The following PCDHGA6 variants were observed in gnomAD, a reference collection of about 807,000 sequenced individuals.
PCDHGA6 encodes protocadherin gamma subfamily A, 6.
PCDHGA6 carries 41 observed loss-of-function variants against 60.6 expected under a neutral mutation model. The observed-to-expected ratio is 0.68, with a 90% CI of 0.53 to 0.88. The LOEUF is 0.88. Among genes scored for constraint, PCDHGA6 ranks in the 40% least tolerant of loss-of-function variants. The probability of loss-of-function intolerance (pLI) is 0.00; values close to 1 mark genes in which losing one functional copy is unlikely to be tolerated. For missense variants in PCDHGA6, 1,312 were observed against 1,203.0 expected (o/e 1.09, Z -1.34); for synonymous variants, 594 against 524.4 (o/e 1.13, Z -1.81).
chr5:141,405,201 T>C, intron 1 of PCDHGA6: 1 of 1,614,050 alleles, frequency 6.2e-7, no homozygotes, highest in Non-Finnish European at 8.5e-7. Context: ...CGAGCTTTCC[T>C]ACAGACCTAT....
Position 141,388,273 on chromosome 5 carries a change from C to T in PCDHGA6, c.2424+11766C>T. On this transcript the variant is annotated intron_variant, in intron 1 of 3. Coordinates refer to ENST00000517434, the MANE Select transcript of PCDHGA6 (RefSeq NM_018919.3). ...GAGATCGAGGACATTAATGACCACA[C>T]GCCAAAATTCACGCAAAATTCCTTT... The T allele has an allele frequency of 3.1e-6, 5 of 1,597,470 alleles. No homozygotes were observed. Among genetic ancestry groups the T allele is most frequent in the Non-Finnish European group, 4.3e-6 (5 of 1,172,964 alleles).
chr5:141,459,886 G>A (rs932435611), intron 1 of PCDHGA6, among the ~76,000 whole-genome samples: 2 of 152,080 alleles, frequency 1.3e-5, no homozygotes, highest in Non-Finnish European at 2.9e-5. Context: ...TGAGCTGAAC[G>A]CCTTCTTAAA....
At chr5:141,480,894 C>CA (rs1235468010) in intron 1 of PCDHGA6, among the ~76,000 whole-genome samples, 15 of 151,848 alleles carry the variant, frequency 9.9e-5, no homozygotes, top group African/African-American at 3.4e-4. Context: ...AAAATGCAAA[C>CA]ATTAGCTGGG....
chr5:141,432,692 G>A lies in PCDHGA6; in HGVS notation c.2424+56185G>A. The A allele has an allele frequency of 6.2e-7, 1 of 1,613,964 alleles. No homozygotes were observed. Among genetic ancestry groups the A allele is most frequent in the Non-Finnish European group, 8.5e-7 (1 of 1,179,978 alleles). On this transcript the variant is annotated intron_variant, in intron 1 of 3. Transcript: ENST00000517434. The surrounding 1 kb of genome is among the most constrained non-coding windows in gnomAD (Gnocchi z 6.0). ...CGCGCTCAAGCAGAGCCTCGTAGTG[G>A]CCGTCCAGGACCACGGCCAGCCCCC...
chr5:141,484,924 T>C (rs1453592037), intron 1 of PCDHGA6: 7 of 484,872 alleles, frequency 1.4e-5, no homozygotes, highest in Non-Finnish European at 2.2e-5. Context: ...ACCCTGCTGC[T>C]GTTGGGACGT....
chr5:141,446,928 C>T (rs988582410), intron 1 of PCDHGA6, among the ~76,000 whole-genome samples: 14 of 152,132 alleles, frequency 9.2e-5, no homozygotes, highest in Non-Finnish European at 1.6e-4. Context: ...TTCCTGATCT[C>T]TTTTTCACTG....
intron 3 of PCDHGA6, chr5:141,507,166 GTCC>G (rs1475125845): frequency 6.6e-5 from 10 of 152,288 alleles, no homozygotes; most frequent in Non-Finnish European, 1.2e-4. Context: ...ATGAGAGGCT[GTCC>G]TCTTCCTCGA....
In PCDHGA6 at chr5:141,415,740, GTTTTTTTTTT is replaced by G. The variant is rs57426385; in HGVS notation, c.2424+39256_2424+39265del. The G allele has an allele frequency of 4.3e-3, 2,655 of 623,934 alleles. 2 individuals carry two copies. The highest frequency in any genetic ancestry group is 4.3e-3 in the Non-Finnish European group (2,016 of 468,394). The allele number at this position is 623,934 out of a possible 1,614,324, so 38.6% of individuals were successfully genotyped here. ...TGAGTAGAATTTGATGTTTATTAAG[GTTTTTTTTTT>G]TTTTTTTTTTTTTTTTTTTTTTACT... On this transcript the variant is annotated intron_variant, in intron 1 of 3. Coordinates refer to ENST00000517434, the MANE Select transcript of PCDHGA6 (RefSeq NM_018919.3).
intron 1 of PCDHGA6, among the ~76,000 whole-genome samples, chr5:141,458,338 G>A (rs1160200932): frequency 2.6e-5 from 4 of 152,134 alleles, no homozygotes; most frequent in African/African-American, 9.7e-5. Context: ...GTTTTAAGGA[G>A]TGGAGAGTTT....
intron 3 of PCDHGA6, among the ~76,000 whole-genome samples, chr5:141,509,450 C>A (rs2099876883): frequency 6.6e-6 from 1 of 152,128 alleles, no homozygotes; most frequent in Non-Finnish European, 1.5e-5. Context: ...CCTCTCCCAC[C>A]CCCGACCCAG....
intron 2 of PCDHGA6, among the ~76,000 whole-genome samples, chr5:141,503,202 C>G (rs1562210201): frequency 6.6e-6 from 1 of 152,090 alleles, no homozygotes; most frequent in East Asian, 1.9e-4. Context: ...ATCAGCCTCT[C>G]AGTGCCCACC....
intron 1 of PCDHGA6, among the ~76,000 whole-genome samples, chr5:141,464,193 A>C (rs991769179): frequency 1.3e-5 from 2 of 149,674 alleles, no homozygotes; most frequent in Non-Finnish European, 3.0e-5. Flanking sequence ...TGATTTCAGG[A>C]GGCGGAGATT....
At chr5:141,468,330 C>CAAAAAAAAAAAA (rs533390277) in intron 1 of PCDHGA6, 1 of 79,864 alleles carries the variant, frequency 1.3e-5, no homozygotes, top group African/African-American at 3.9e-5. Context: ...AACTCCATCT[C>CAAAAAAAAAAAA]AAAAAAAAAA....
At chr5:141,484,347 T>C (rs569724902) in intron 1 of PCDHGA6, among the ~76,000 whole-genome samples, 2 of 152,302 alleles carry the variant, frequency 1.3e-5, no homozygotes, top group East Asian at 1.9e-4. Flanking sequence ...AATGGTAATT[T>C]AGTGTATCTA....
intron 1 of PCDHGA6, among the ~76,000 whole-genome samples, chr5:141,406,261 C>T (rs2154537343): frequency 6.6e-6 from 1 of 152,132 alleles, no homozygotes; most frequent in African/African-American, 2.4e-5. Flanking sequence ...CTCAAACGAT[C>T]TTCCTGCTTC....
rs547129690 is a variant in PCDHGA6, at chr5:141,385,366, C to A, written c.2424+8859C>A. On this transcript the variant is annotated intron_variant, in intron 1 of 3. Transcript: ENST00000517434. ...TTTATTTCCATGAGGAATTTATTTG[C>A]ATGATATTTCTCTATTATTTTGCAA... The A allele has an allele frequency of 5.9e-6, 9 of 1,535,728 alleles. No individual in the cohort carries two copies. The South Asian group carries it at 9.0e-5, about 15-fold the overall frequency.
intron 1 of PCDHGA6, among the ~76,000 whole-genome samples, chr5:141,442,784 A>C (rs1267270442): frequency 2.0e-5 from 3 of 152,212 alleles, no homozygotes; most frequent in Non-Finnish European, 4.4e-5. Flanking sequence ...ATTATATTTT[A>C]TAATTTTACT....
At chr5:141,410,619 C>T (rs757187051) in intron 1 of PCDHGA6, 8 of 1,603,614 alleles carry the variant, frequency 5.0e-6, no homozygotes, top group Admixed American at 3.3e-5. Flanking sequence ...ACTCTGACTT[C>T]GGTGAGTTTC....
chr5:141,419,681 G>T (rs377117997), intron 1 of PCDHGA6: 89 of 1,612,904 alleles, frequency 5.5e-5, no homozygotes, highest in Non-Finnish European at 7.0e-5. Flanking sequence ...GTCCTACCAC[G>T]TGGTGCAGGC....
Sources: gnomAD v4.1 joint callset for allele counts (sites outside exome capture counted in the v4.1 genomes callset) on GRCh38, gnomAD v4.1.1 for gene constraint, Gnocchi (gnomAD v3.1) non-coding constraint, MANE v1.5 for transcripts, NCBI Gene and HGNC (gene_info 2026-07-23, HGNC 2026-07-21) for gene names.